The following CPEB2 variants were observed in gnomAD, a reference collection of about 807,000 sequenced individuals.
CPEB2 encodes cytoplasmic polyadenylation element binding protein 2.
CPEB2 carries 56 observed loss-of-function variants against 93.6 expected under a neutral mutation model. The observed-to-expected ratio is 0.60, with a 90% CI of 0.48 to 0.75. CPEB2 has a LOEUF of 0.75. Among genes scored for constraint, CPEB2 ranks in the 30% least tolerant of loss-of-function variants. The pLI, the probability that CPEB2 is intolerant of heterozygous loss-of-function variation, is 0.00. For missense variants in CPEB2, 1,579 were observed against 1,395.1 expected, an observed-to-expected ratio of 1.13 and a Z score of -2.10; for synonymous variants, 764 against 586.3, an observed-to-expected ratio of 1.30 and a Z score of -4.38.
intron 7 of CPEB2, among the ~76,000 whole-genome samples, chr4:15,053,540 A>T (rs1728433456): frequency 6.6e-6 from 1 of 152,158 alleles, no homozygotes; most frequent in African/African-American, 2.4e-5. Context: ...ATTTTAGGAA[A>T]TTTTTTAGTT....
chr4:15,023,473 C>T (rs946342817), intron 4 of CPEB2, among the ~76,000 whole-genome samples: 3 of 152,022 alleles, frequency 2.0e-5, no homozygotes, highest in Non-Finnish European at 2.9e-5. Context: ...CATCACTTAT[C>T]TCACAAACTA....
Position 15,017,219 on chromosome 4 carries a change from T to C in CPEB2, c.2066T>C (p.Met689Thr), listed in dbSNP as rs1261211384. ...DRSRMYDSLNMHSLENSLIDI... is the reference protein window; with the variant it reads ...DRSRMYDSLNTHSLENSLIDI... ...AGTAGAATGTATGACAGTTTGAATA[T>C]GCACTCTTTGGAAAATTCCCTTATC... The change falls in exon 4 of 12, where the codon ATG becomes ACG. Residue 689 changes from methionine to threonine, a missense_variant. Met to Thr is a moderately conservative substitution (Grantham distance 81, BLOSUM62 -1). Coordinates refer to ENST00000538197, the MANE Select transcript of CPEB2 (RefSeq NM_001177382.2). 6.2e-7 allele frequency: 1 copy of C among 1,601,182 alleles called. No homozygotes were observed.
At chr4:15,025,689 T>A (rs1446418462) in intron 4 of CPEB2, among the ~76,000 whole-genome samples, 5 of 151,946 alleles carry the variant, frequency 3.3e-5, no homozygotes, top group Non-Finnish European at 7.4e-5. Flanking sequence ...TTAAACCTTC[T>A]GTTTTTAGTT....
rs755456122 is a variant in CPEB2, at chr4:15,052,411, T to C, written c.2201-3T>C. 6.1e-6 allele frequency: 9 copies of C among 1,472,190 alleles called. No homozygotes were observed. Among genetic ancestry groups the C allele is most frequent in the Non-Finnish European group, 3.6e-6 (4 of 1,099,142 alleles). The allele number at this position is 1,472,190 out of a possible 1,614,324, so 91.2% of individuals were successfully genotyped here. ...TTCAAGTTGTATTTGTTCTTTATTC[T>C]AGGTCGTTCTTCCCTCTTTCCAATA... is the stretch of plus-strand genomic sequence containing the variant. On this transcript the variant is annotated splice_polypyrimidine_tract_variant and splice_region_variant and intron_variant, in intron 6 of 11. Coordinates refer to ENST00000538197, the MANE Select transcript of CPEB2 (RefSeq NM_001177382.2).
At position 15,062,149 on chromosome 4, in the gene CPEB2, G is replaced by A. The variant is rs574064213; in HGVS notation, c.2766G>A (p.Glu922=). 2 of 1,612,656 alleles carry A rather than the reference G, an allele frequency of 1.2e-6. No individual in the cohort carries two copies. The highest frequency in any genetic ancestry group is 8.5e-7 in the Non-Finnish European group (1 of 1,179,142). ...VCYAGIDTDP[E]LKYPKGAGRV... is the part of the protein sequence containing the mutation. Reference sequence around the variant, plus strand: ...ATGCAGGAATTGATACAGATCCTGAGCTAAAATACCCAAAAGGTGCTGGGC... The same window carrying A: ...ATGCAGGAATTGATACAGATCCTGAACTAAAATACCCAAAAGGTGCTGGGC... Residue 922 remains glutamate, a synonymous_variant, in exon 11 of 12, where the codon GAG becomes GAA. Transcript: ENST00000538197.
rs1228653167 is a variant in CPEB2, at chr4:15,003,008, CG to C, written c.337del (p.Ala113ArgfsTer19). The C allele has an allele frequency of 3.1e-5, 47 of 1,495,142 alleles. No individual in the cohort carries two copies. Among genetic ancestry groups the C allele is most frequent in the Non-Finnish European group, 4.1e-5 (47 of 1,133,860 alleles). 92.6% of individuals were successfully genotyped at this position (1,495,142 alleles called of 1,614,324 possible). ...CAGCCGGCGCGGCCGCTTTCGGGGGCGGCGGCCACGGAGAAACTCCCCGACC... is the reference window on the plus strand; with the variant it reads ...CAGCCGGCGCGGCCGCTTTCGGGGGCGCGGCCACGGAGAAACTCCCCGACC... Reference protein sequence around the residue: ...TQQPARPLSGAAATEKLPDHH... With the variant: ...TQQPARPLSGXAATEKLPDHH... On this transcript the variant is annotated frameshift_variant, in exon 1 of 12. Transcript: ENST00000538197. LOFTEE classifies it high-confidence loss of function.
chr4:15,040,531 GT>G, intron 6 of CPEB2, 44 bp downstream of exon 6: 2 of 1,493,906 alleles, frequency 1.3e-6, no homozygotes, highest in Non-Finnish European at 1.8e-6. Context: ...TTCTAATGGG[GT>G]TTACTGATCA....
chr4:15,064,020 T>C (rs922683385), intron 11 of CPEB2: 1 of 152,122 alleles, frequency 6.6e-6, no homozygotes, highest in African/African-American at 2.4e-5. Context: ...TATTAAACCA[T>C]AAAAATTGAA....
intron 11 of CPEB2, among the ~76,000 whole-genome samples, 154 bp downstream of exon 11, chr4:15,062,414 AAAATTACTG>A (rs1729275617): frequency 6.6e-6 from 1 of 152,094 alleles, no homozygotes; most frequent in South Asian, 2.1e-4. Context: ...CTTGAAATGG[AAAATTACTG>A]AACACACTTT....
chr4:15,066,233 CT>C lies in CPEB2; in HGVS notation c.2965del (p.Cys989ValfsTer31). 1 of 1,613,378 alleles carries C rather than the reference CT, an allele frequency of 6.2e-7. No homozygotes were observed. Among genetic ancestry groups the C allele is most frequent in the Non-Finnish European group, 8.5e-7 (1 of 1,179,610 alleles). On this transcript the variant is annotated frameshift_variant, in exon 12 of 12. Coordinates refer to ENST00000538197, the MANE Select transcript of CPEB2 (RefSeq NM_001177382.2). LOFTEE classifies it high-confidence loss of function. ...GARCGGKFAP[F>X]FCANVTCLQY... ...CACGCTGTGGTGGAAAATTTGCTCC[CT>C]TTTTTTGTGCCAATGTCACTTGCCT...
intron 11 of CPEB2, chr4:15,063,632 C>T (rs190759779): frequency 3.3e-4 from 50 of 152,146 alleles, no homozygotes; most frequent in African/African-American, 1.2e-3. Context: ...AGGTCACAGA[C>T]GACGTTATTT....
At chr4:15,035,455 T>G (rs1726517518) in intron 5 of CPEB2, among the ~76,000 whole-genome samples, 5 of 152,144 alleles carry the variant, frequency 3.3e-5, no homozygotes. Context: ...TTAGAGCAGC[T>G]TCTGGAAGTA....
intron 8 of CPEB2, 126 bp downstream of exon 8, chr4:15,054,343 C>T: frequency 2.9e-6 from 2 of 698,792 alleles, no homozygotes; most frequent in South Asian, 1.7e-5. Context: ...TTCATAGACT[C>T]AGATCAACAA....
intron 5 of CPEB2, among the ~76,000 whole-genome samples, chr4:15,034,076 T>TA (rs760305301): frequency 7.9e-5 from 12 of 152,038 alleles, no homozygotes; most frequent in Non-Finnish European, 1.5e-4. Flanking sequence ...AGGATGGAAA[T>TA]AAAGTCCAGG....
intron 2 of CPEB2, 37 bp from the exon 3 acceptor site, chr4:15,008,301 C>T: frequency 6.8e-7 from 1 of 1,470,390 alleles, no homozygotes; most frequent in Non-Finnish European, 9.5e-7. Flanking sequence ...GGGAAGACAA[C>T]TGCTCATTTC....
chr4:15,044,764 C>T (rs1185120928), intron 6 of CPEB2, among the ~76,000 whole-genome samples: 2 of 152,170 alleles, frequency 1.3e-5, no homozygotes, highest in Admixed American at 6.5e-5. Context: ...ATTAGCATAG[C>T]GCCCAGTGTC....
intron 10 of CPEB2, among the ~76,000 whole-genome samples, chr4:15,059,920 C>T (rs1309772728): frequency 6.6e-6 from 1 of 152,066 alleles, no homozygotes; most frequent in African/African-American, 2.4e-5. Context: ...AAGAACTATT[C>T]ATACATGGAA....
chr4:15,004,179 GC>G lies in CPEB2; in HGVS notation c.1509del (p.Ala504ProfsTer2). On this transcript the variant is annotated frameshift_variant, in exon 1 of 12. Coordinates refer to ENST00000538197, the MANE Select transcript of CPEB2 (RefSeq NM_001177382.2). LOFTEE classifies it high-confidence loss of function. ...CTACCGCTGTGCCCCCTCCGCCGCC[GC>G]CCGCCATGAATATACCTCAACAGCA... is the stretch of plus-strand genomic sequence containing the variant. ...SATAVPPPPP[P>X]AMNIPQQQPP... 1 of 1,178,154 alleles carries G rather than the reference GC, an allele frequency of 8.5e-7. No individual in the cohort carries two copies. The highest frequency in any genetic ancestry group is 1.1e-6 in the Non-Finnish European group (1 of 934,924). 73.0% of individuals were successfully genotyped at this position (1,178,154 alleles called of 1,614,324 possible).
chr4:15,002,571 A>G lies in CPEB2; in HGVS notation c.-103A>G. The G allele has an allele frequency of 1.1e-6, 1 of 925,124 alleles. No homozygotes were observed. The highest frequency in any genetic ancestry group is 1.8e-5 in the South Asian group (1 of 54,698). 57.3% of individuals were successfully genotyped at this position (925,124 alleles called of 1,614,324 possible). A position where few individuals can be genotyped will look rare whatever the true frequency, so the allele number is the denominator to read the frequency against. On this transcript the variant is annotated 5_prime_UTR_variant, in exon 1 of 12. Transcript: ENST00000538197. The stretch of plus-strand genomic sequence containing the variant: ...CAGTCACGGTGTCCCTCTCTCACTG[A>G]CTCCCCCTCCTTCCACCACGGCCGC...
Sources: allele counts gnomAD v4.1 joint callset (sites outside exome capture counted in the v4.1 genomes callset), GRCh38; gene constraint gnomAD v4.1.1; transcripts MANE v1.5; gene names NCBI Gene and HGNC (gene_info 2026-07-23, HGNC 2026-07-21).